LSM5: variants seen among roughly 807,000 people sequenced by gnomAD.
LSM5 encodes U6 snRNA-associated Sm-like protein LSm5.
In LSM5, 8 loss-of-function variants were observed where a neutral mutation model predicts 13.8. The observed-to-expected ratio is 0.58, with a 90% confidence interval of 0.34 to 1.04. The LOEUF (loss-of-function observed/expected upper bound fraction) is 1.04, where lower values mean the gene tolerates loss of function less well. Ranked by LOEUF, LSM5 falls within the 50% of genes least tolerant of loss-of-function variation. The pLI is 0.03. For synonymous variants in LSM5, 35 were observed against 37.0 expected (o/e 0.95, Z 0.20); for missense variants, 80 against 108.1 (o/e 0.74, Z 1.15).
At chr7:32,487,787 CA>C in intron 3 of LSM5, 30 bp from the exon 4 acceptor site, 1 of 1,159,932 alleles carries the variant, frequency 8.6e-7, no homozygotes. Flanking sequence ...ACAGTCAGGA[CA>C]AACAGTGAAA....
chr7:32,489,976 T>C, intron 1 of LSM5: 16 of 1,214,086 alleles, frequency 1.3e-5, no homozygotes, highest in Non-Finnish European at 1.6e-5. Flanking sequence ...TAACATGGTC[T>C]ATCTAATCTG....
At chr7:32,493,937 C>T (rs1247676569), upstream of LSM5, among the ~76,000 whole-genome samples, 1 of 151,754 alleles carries the variant, frequency 6.6e-6, no homozygotes, top group Non-Finnish European at 1.5e-5. Flanking sequence ...CTGCAACCTC[C>T]ACCTCCCGGA....
Position 32,489,323 on chromosome 7 carries a change from C to T in LSM5, c.68G>A (p.Gly23Glu). ...LPLELVDKCI[G>E]SRIHIVMKSD... ...CTTCATCACGATGTGAATTCTTGAT[C>T]CTATACATTTGTCCACAAGCTCTGA... The change falls in exon 2 of 5, where the codon GGA becomes GAA. Residue 23 changes from glycine (G) to glutamate (E), a missense_variant. Physicochemically the swap from Gly to Glu is moderately conservative, Grantham distance 98. Coordinates refer to ENST00000450169, the MANE Select transcript of LSM5 (RefSeq NM_012322.3). 6.2e-7 allele frequency: 1 copy of T among 1,601,960 alleles called. No individual in the cohort carries two copies. Among genetic ancestry groups the T allele is most frequent in the Non-Finnish European group, 8.5e-7 (1 of 1,171,706 alleles).
upstream of LSM5, among the ~76,000 whole-genome samples, chr7:32,492,483 T>C (rs554214277): frequency 6.6e-5 from 10 of 151,988 alleles, no homozygotes; most frequent in Non-Finnish European, 1.3e-4. Flanking sequence ...ATCGTGCCAC[T>C]GCACTCCAGC....
intron 3 of LSM5, 30 bp from the exon 4 acceptor site, chr7:32,487,787 C>A (rs1388282190): frequency 8.6e-7 from 1 of 1,159,930 alleles, no homozygotes; most frequent in South Asian, 1.2e-5. Context: ...ACAGTCAGGA[C>A]AAACAGTGAA....
chr7:32,487,544 C>T (rs866142679), intron 4 of LSM5, 141 bp downstream of exon 4: 6 of 689,898 alleles, frequency 8.7e-6, no homozygotes. Flanking sequence ...AGGACCCTGA[C>T]CACAGAGAAC....
chr7:32,490,586 A>T (rs921407), upstream of LSM5: 461,553 of 584,280 alleles, frequency 0.79, 183,826 homozygotes, highest in East Asian at 0.86. Context: ...AGATACCCAT[A>T]ATGCCCTTGA....
chr7:32,493,270 G>A (rs572679714), upstream of LSM5, among the ~76,000 whole-genome samples: 2 of 152,254 alleles, frequency 1.3e-5, no homozygotes, highest in African/African-American at 4.8e-5. Flanking sequence ...GTGCTACCAA[G>A]TCTGGCTATT....
upstream of LSM5, chr7:32,495,174 A>C (rs1232556229): frequency 6.6e-6 from 1 of 152,670 alleles, no homozygotes; most frequent in Non-Finnish European, 1.5e-5. Flanking sequence ...GCAAAAGAGA[A>C]GGAAGTGCTT....
chr7:32,487,418 T>C lies in LSM5; in HGVS notation c.244-125A>G, dbSNP rs543796477. On this transcript the variant is annotated intron_variant, in intron 4 of 4. Transcript: ENST00000450169. Reference sequence around the variant, plus strand: ...CCACGTTCCCATTTTCTCCAGATTGTCAGTATCTATTTACAATTCCCAACG... The same window carrying C: ...CCACGTTCCCATTTTCTCCAGATTGCCAGTATCTATTTACAATTCCCAACG... 1.9e-5 allele frequency: 14 copies of C among 747,130 alleles called. No individual in the cohort carries two copies. In the East Asian group the frequency reaches 3.7e-4, roughly 20 times the overall value. 46.3% of individuals were successfully genotyped at this position (747,130 alleles called of 1,614,324 possible).
Position 32,489,363 on chromosome 7 carries a change from T to C in LSM5, c.47-19A>G, listed in dbSNP as rs774698657. On this transcript the variant is annotated intron_variant, in intron 1 of 4. Coordinates refer to ENST00000450169, the MANE Select transcript of LSM5 (RefSeq NM_012322.3). The stretch of plus-strand genomic sequence containing the variant: ...ACAAGCTCTGAGGAGGGAAAAAATA[T>C]TATTTTACCATTCATTATTTCAACA... 31 of 1,357,028 alleles carry C rather than the reference T, an allele frequency of 2.3e-5. No homozygotes were observed. Among genetic ancestry groups the C allele is most frequent in the Non-Finnish European group, 2.9e-5 (28 of 954,612 alleles). 84.1% of individuals were successfully genotyped at this position (1,357,028 alleles called of 1,614,324 possible).
chr7:32,489,573 G>T, intron 1 of LSM5: 1 of 461,722 alleles, frequency 2.2e-6, no homozygotes, highest in Non-Finnish European at 3.8e-6. Flanking sequence ...TCACGGCCAC[G>T]ACCACTAGTT....
At chr7:32,490,443 A>C, upstream of LSM5, 2 of 1,273,454 alleles carry the variant, frequency 1.6e-6, no homozygotes, top group Non-Finnish European at 2.3e-6. Flanking sequence ...TCCGCAGCCC[A>C]AACAGGCTCG....
At chr7:32,488,490 G>T in intron 3 of LSM5, 135 bp downstream of exon 3, 1 of 649,578 alleles carries the variant, frequency 1.5e-6, no homozygotes, top group Non-Finnish European at 2.7e-6. Context: ...AATTTTACAA[G>T]CAAACAGATA....
Position 32,486,277 on chromosome 7 carries a change from A to G in LSM5, c.*984T>C, listed in dbSNP as rs1318884342. On this transcript the variant is annotated 3_prime_UTR_variant, in exon 5 of 5. Coordinates refer to ENST00000450169, the MANE Select transcript of LSM5 (RefSeq NM_012322.3). ...GTACATATTAATGTTGAAATATTTGACACAGAAAGATATTCACCATTTAAA... is the reference window on the plus strand; with the variant it reads ...GTACATATTAATGTTGAAATATTTGGCACAGAAAGATATTCACCATTTAAA... 2.6e-5 allele frequency: 4 copies of G among 152,236 alleles called. No individual in the cohort carries two copies. Among genetic ancestry groups the G allele is most frequent in the Non-Finnish European group, 5.9e-5 (4 of 68,046 alleles). 9.4% of individuals were successfully genotyped at this position (152,236 alleles called of 1,614,324 possible).
intron 4 of LSM5, 93 bp from the exon 5 acceptor site, chr7:32,487,386 C>A: frequency 1.1e-6 from 1 of 950,296 alleles, no homozygotes; most frequent in Non-Finnish European, 1.7e-6. Flanking sequence ...TGCCTGTCCC[C>A]TGCACTCCAC....
At chr7:32,492,074 TTC>T (rs1367509284), upstream of LSM5, among the ~76,000 whole-genome samples, 1 of 152,180 alleles carries the variant, frequency 6.6e-6, no homozygotes, top group Non-Finnish European at 1.5e-5. Context: ...GCTTCTTTCT[TTC>T]TCTTTCTCTT....
intron 4 of LSM5, 75 bp from the exon 5 acceptor site, chr7:32,487,368 GC>G: frequency 8.2e-7 from 1 of 1,213,812 alleles, no homozygotes; most frequent in East Asian, 2.4e-5. Flanking sequence ...TCTTCATTAA[GC>G]CACCTTTGCC....
chr7:32,488,927 C>T (rs1786509717), intron 2 of LSM5, among the ~76,000 whole-genome samples: 1 of 152,120 alleles, frequency 6.6e-6, no homozygotes, highest in African/African-American at 2.4e-5. Flanking sequence ...GTTTCATCAT[C>T]TTGCCCAGGC....
Sources: allele counts gnomAD v4.1 joint callset (sites outside exome capture counted in the v4.1 genomes callset), GRCh38; gene constraint gnomAD v4.1.1; transcripts MANE v1.5; gene names NCBI Gene and HGNC (gene_info 2026-07-23, HGNC 2026-07-21).